The following SCAF11 variants were observed in gnomAD, a reference collection of about 807,000 sequenced individuals.
SCAF11 encodes SR-related CTD associated factor 11, also known as protein SCAF11.
In SCAF11, 47 loss-of-function variants were observed where a neutral mutation model predicts 140.5. That is an observed-to-expected ratio of 0.33 (90% confidence interval 0.26 to 0.43). SCAF11 has a LOEUF of 0.43. SCAF11 is among the 20% of genes least tolerant of loss of function. SCAF11 has a pLI of 1.00. For synonymous variants in SCAF11, 557 were observed against 579.4 expected (o/e 0.96, Z 0.55); for missense variants, 1,645 against 1,705.1 (o/e 0.96, Z 0.62).
rs1592191659 is a variant in SCAF11, at chr12:45,948,642, T to G, written c.298-105A>C. The G allele has an allele frequency of 5.7e-6, 4 of 703,232 alleles. No individual in the cohort carries two copies. In the East Asian group the frequency reaches 1.1e-4, roughly 19 times the overall value. 43.6% of individuals were successfully genotyped at this position (703,232 alleles called of 1,614,324 possible). On this transcript the variant is annotated intron_variant, in intron 4 of 14. Coordinates refer to ENST00000369367, the MANE Select transcript of SCAF11 (RefSeq NM_004719.3). ...AAATTACAGAAACAAAACTGTCCAA[T>G]TAAAAAGTGTAGTCCAAATACATAT...
chr12:45,963,989 G>A, intron 2 of SCAF11, 118 bp downstream of exon 2: 1 of 613,230 alleles, frequency 1.6e-6, no homozygotes, highest in Middle Eastern at 2.7e-4. Context: ...GCTTATTTTG[G>A]AATTTAAGAA....
intron 1 of SCAF11, among the ~76,000 whole-genome samples, chr12:45,978,234 C>T (rs1382185574): frequency 6.6e-6 from 1 of 152,066 alleles, no homozygotes; most frequent in Non-Finnish European, 1.5e-5. Flanking sequence ...GTCTAATAAC[C>T]CCACCCCTGC....
intron 10 of SCAF11, chr12:45,929,963 T>C (rs926130936): frequency 1.3e-5 from 2 of 152,216 alleles, no homozygotes; most frequent in African/African-American, 4.8e-5. Context: ...TTAACTGTTA[T>C]TCACCAGACT....
Position 45,927,953 on chromosome 12 carries a change from T to C in SCAF11, c.1748A>G (p.Lys583Arg), listed in dbSNP as rs1476634580. Residue 583 changes from lysine (K) to arginine (R), a missense_variant, in exon 11 of 15, where the codon AAA (lysine) becomes AGA (arginine). This residue lies in a region of SCAF11 where 1,582 missense variants were observed against 1,609.2 expected (regional missense o/e 0.98). Coordinates refer to ENST00000369367, the MANE Select transcript of SCAF11 (RefSeq NM_004719.3). ...TTCTACTAGGGAACTCTCTGTTATTTTTTCTTCATTAACCACTGACTCTAC... is the reference window on the plus strand; with the variant it reads ...TTCTACTAGGGAACTCTCTGTTATTCTTTCTTCATTAACCACTGACTCTAC... ...ENVESVVNEE[K>R]ITESSLVEIT... 6.2e-7 allele frequency: 1 copy of C among 1,613,422 alleles called. No individual in the cohort carries two copies. Among genetic ancestry groups the C allele is most frequent in the East Asian group, 2.2e-5 (1 of 44,860 alleles).
At position 45,934,208 on chromosome 12, in the gene SCAF11, A is replaced by T. The variant is rs377131723; in HGVS notation, c.600T>A (p.Ser200=). The T allele has an allele frequency of 1.2e-6, 2 of 1,606,502 alleles. No homozygotes were observed. The highest frequency in any genetic ancestry group is 2.7e-5 in the African/African-American group (2 of 74,776). Residue 200 remains serine (S), a synonymous_variant, in exon 8 of 15, where the codon TCT becomes TCA. Transcript: ENST00000369367. ...CTCTATAGGTAAAGGAAGATTCTCC[A>T]GAGTGGCTAACAGAAGAAAACATAT... ...FSNMFSSVSH[S]GESSFTYRAY...
chr12:45,961,912 G>A (rs1945843156), intron 2 of SCAF11, 55 bp from the exon 3 acceptor site: 1 of 1,468,688 alleles, frequency 6.8e-7, no homozygotes, highest in African/African-American at 1.4e-5. Flanking sequence ...CAAAAATCTT[G>A]TGTTTCTAGG....
chr12:45,925,321 G>C (rs1248583890), intron 11 of SCAF11, among the ~76,000 whole-genome samples: 1 of 152,138 alleles, frequency 6.6e-6, no homozygotes, highest in Non-Finnish European at 1.5e-5. Flanking sequence ...GGGAGGCCAA[G>C]GCGGGCAGAT....
At position 45,951,651 on chromosome 12, in the gene SCAF11, T is replaced by A; in HGVS notation, c.296A>T (p.Lys99Met). Residue 99 changes from lysine to methionine, a missense_variant and splice_region_variant, in exon 4 of 15, where the codon AAG becomes ATG. This residue lies in a region of SCAF11 where 1,582 missense variants were observed against 1,609.2 expected (regional missense o/e 0.98). Coordinates refer to ENST00000369367, the MANE Select transcript of SCAF11 (RefSeq NM_004719.3). ...FKFSALEGYV[K>M]VQVKKQLRET... ...ATGTTGCAGAATAAAAAGACTTACC[T>A]TAACATAACCTTCCAATGCACTGAA... 1 of 1,568,440 alleles carries A rather than the reference T, an allele frequency of 6.4e-7. No homozygotes were observed. The highest frequency in any genetic ancestry group is 2.3e-5 in the East Asian group (1 of 44,332).
At chr12:45,969,902 A>AC (rs1555171075) in intron 1 of SCAF11, among the ~76,000 whole-genome samples, 2 of 146,870 alleles carry the variant, frequency 1.4e-5, no homozygotes, top group Non-Finnish European at 3.0e-5. Context: ...ACATTCAACC[A>AC]TTTTTTTTTT....
At position 45,924,903 on chromosome 12, in the gene SCAF11, C is replaced by A. The variant is rs762262046; in HGVS notation, c.3731G>T (p.Arg1244Leu). ...CTGAGGATGAATGTTAAATGGATTG[C>A]GTTGGATGTTCATCAAAGGAGCATG... Reference protein sequence around the residue: ...GVHAPLMNIQRNPFNIHPQLP... With the variant: ...GVHAPLMNIQLNPFNIHPQLP... Residue 1244 changes from arginine (R) to leucine (L), a missense_variant, in exon 12 of 15, where the codon CGC becomes CTC. Transcript: ENST00000369367. 3 of 1,613,938 alleles carry A rather than the reference C, an allele frequency of 1.9e-6. No homozygotes were observed. The highest frequency in any genetic ancestry group is 2.5e-6 in the Non-Finnish European group (3 of 1,180,002).
chr12:45,989,203 C>T (rs1430289244), intron 1 of SCAF11, among the ~76,000 whole-genome samples: 1 of 152,180 alleles, frequency 6.6e-6, no homozygotes, highest in Non-Finnish European at 1.5e-5. Flanking sequence ...TATTCTGCTG[C>T]TGAGGTAGGT....
At chr12:45,953,718 G>C (rs1383320390) in intron 3 of SCAF11, 1 of 228,586 alleles carries the variant, frequency 4.4e-6, no homozygotes, top group African/African-American at 2.3e-5. Context: ...GATGTATAGA[G>C]GCCATGAATT....
In SCAF11 at chr12:45,926,272, T is replaced by C. The variant is rs1450725404; in HGVS notation, c.3429A>G (p.Thr1143=). ...FDTPADRSGW[T]SASSWAVRKT... is the part of the protein sequence containing the mutation. ...TTCTCACGGCCCAGCTGGATGCAGA[T>C]GTCCATCCAGATCTATCTGCTGGTG... Residue 1143 remains threonine (T), a synonymous_variant, in exon 11 of 15, where the codon ACA becomes ACG. Coordinates refer to ENST00000369367, the MANE Select transcript of SCAF11 (RefSeq NM_004719.3). The C allele has an allele frequency of 2.5e-6, 4 of 1,614,078 alleles. No individual in the cohort carries two copies. Among genetic ancestry groups the C allele is most frequent in the Admixed American group, 1.7e-5 (1 of 60,006 alleles).
Position 45,924,859 on chromosome 12 carries a change from T to C in SCAF11, c.3775A>G (p.Thr1259Ala). 1 of 1,614,042 alleles carries C rather than the reference T, an allele frequency of 6.2e-7. No individual in the cohort carries two copies. The change falls in exon 12 of 15, where the codon ACA becomes GCA. Residue 1259 changes from threonine (T) to alanine (A), a missense_variant. By Grantham distance (58) the Thr-to-Ala change is moderately conservative. Transcript: ENST00000369367. ...IHPQLPLHLH[T>A]GVPLMQVATP... The stretch of plus-strand genomic sequence containing the variant: ...GCTACCTGCATGAGGGGCACTCCTG[T>C]GTGGAGATGCAAGGGTAGCTGAGGA...
Position 45,927,333 on chromosome 12 carries a change from G to A in SCAF11, c.2368C>T (p.Arg790Ter). The A allele has an allele frequency of 1.9e-6, 3 of 1,614,016 alleles. No individual in the cohort carries two copies. Among genetic ancestry groups the A allele is most frequent in the Non-Finnish European group, 2.5e-6 (3 of 1,179,972 alleles). The change falls in exon 11 of 15, where the codon CGA (arginine) becomes TGA (stop). Residue 790 changes from arginine to a stop codon, truncating the protein, a stop_gained. Coordinates refer to ENST00000369367, the MANE Select transcript of SCAF11 (RefSeq NM_004719.3). LOFTEE classifies it high-confidence loss of function. ...GATGGAGAATGAAATCTAGATCTTC[G>A]AGTACGAGGCTTTTTGGTTTTATCT... ...TIDKTKKPRT[R>*]RSRFHSPSTT... is the part of the protein sequence containing the mutation.
chr12:45,941,283 A>T (rs1382983983), intron 6 of SCAF11, among the ~76,000 whole-genome samples: 1 of 152,212 alleles, frequency 6.6e-6, no homozygotes, highest in African/African-American at 2.4e-5. Flanking sequence ...ATCTTTATTG[A>T]GGTACAATTG....
intron 6 of SCAF11, among the ~76,000 whole-genome samples, chr12:45,942,474 C>T (rs191689809): frequency 9.6e-4 from 146 of 152,282 alleles, no homozygotes; most frequent in African/African-American, 3.3e-3. Context: ...TACCAGATCA[C>T]GTTACTCCTG....
chr12:45,973,401 A>G (rs1156317499), intron 1 of SCAF11, among the ~76,000 whole-genome samples: 1 of 151,848 alleles, frequency 6.6e-6, no homozygotes, highest in African/African-American at 2.4e-5. Context: ...AAGTAGAAAG[A>G]AGAAGAAAAA....
chr12:45,987,456 T>C (rs1043155425), intron 1 of SCAF11, among the ~76,000 whole-genome samples: 2 of 152,216 alleles, frequency 1.3e-5, no homozygotes, highest in Non-Finnish European at 2.9e-5. Context: ...AGGTGACAAA[T>C]ACTGACAAAT....
Sources: gnomAD v4.1 joint callset for allele counts (sites outside exome capture counted in the v4.1 genomes callset) on GRCh38, gnomAD v4.1.1 for gene constraint, gnomAD v4.1.1 regional missense constraint, MANE v1.5 for transcripts, NCBI Gene and HGNC (gene_info 2026-07-23, HGNC 2026-07-21) for gene names.